The following SNRPN variants were observed in gnomAD, a reference collection of about 807,000 sequenced individuals.
SNRPN encodes small nuclear ribonucleoprotein polypeptide N.
SNRPN carries 7 observed loss-of-function variants against 25.2 expected under a neutral mutation model. The ratio of observed to expected loss-of-function variants is 0.28; its 90% CI spans 0.16 to 0.52. The LOEUF is 0.52. SNRPN is among the 20% of genes least tolerant of loss of function. The pLI is 0.96. For synonymous variants in SNRPN, 124 were observed against 110.6 expected, an observed-to-expected ratio of 1.12 and a Z score of -0.76; for missense variants, 196 against 322.5, an observed-to-expected ratio of 0.61 and a Z score of 3.00.
chr15:24,827,889 A>G (rs1480828511), intron 1 of SNRPN, among the ~76,000 whole-genome samples: 1 of 151,898 alleles, frequency 6.6e-6, no homozygotes, highest in Non-Finnish European at 1.5e-5. Context: ...AAAATCCTGA[A>G]ATACTAATGA....
chr15:24,830,736 A>T (rs543298411), intron 2 of SNRPN, among the ~76,000 whole-genome samples: 1 of 152,208 alleles, frequency 6.6e-6, no homozygotes, highest in African/African-American at 2.4e-5. Flanking sequence ...TTTGCAATTC[A>T]CCAGTTTTTA....
chr15:24,975,078 G>A, intron 4 of SNRPN: 1 of 673,572 alleles, frequency 1.5e-6, no homozygotes, highest in South Asian at 1.6e-5. Context: ...GGTTTACTTA[G>A]GGGAGTGGAC....
rs913916226 is a variant in SNRPN, at chr15:24,975,050, C to G, written c.4-308C>G. 4.3e-6 allele frequency: 3 copies of G among 692,078 alleles called. No homozygotes were observed. In the African/African-American group the frequency reaches 5.3e-5, roughly 12 times the overall value. 42.9% of individuals were successfully genotyped at this position (692,078 alleles called of 1,614,324 possible). On this transcript the variant is annotated intron_variant, in intron 4 of 9. Coordinates refer to ENST00000390687, the MANE Select transcript of SNRPN (RefSeq NM_003097.6). ...AAAGCAGTCTGGAGAGAGAGAACACCCTACATCATTGTGGTTTGGTTTACT... is the reference window on the plus strand; with the variant it reads ...AAAGCAGTCTGGAGAGAGAGAACACGCTACATCATTGTGGTTTGGTTTACT...
rs868658515 is a variant in SNRPN at position 24,975,391 on chromosome 15, A to G, written c.37A>G (p.Ile13Val). ...VGKSSKMLQH[I>V]DYRMRCILQD... ...CAAGAGTAGCAAGATGCTGCAGCAC[A>G]TTGACTATAGAATGAGATGTATCCT... The change falls in exon 5 of 10, where the codon ATT (isoleucine) becomes GTT (valine). Residue 13 changes from isoleucine to valine, a missense_variant. Coordinates refer to ENST00000390687, the MANE Select transcript of SNRPN (RefSeq NM_003097.6). 21 of 1,613,762 alleles carry G rather than the reference A, an allele frequency of 1.3e-5. No homozygotes were observed. Among genetic ancestry groups the G allele is most frequent in the Non-Finnish European group, 1.8e-5 (21 of 1,179,686 alleles).
At chr15:24,838,329 C>G (rs1412502931) in intron 2 of SNRPN, among the ~76,000 whole-genome samples, 1 of 152,190 alleles carries the variant, frequency 6.6e-6, no homozygotes, top group Non-Finnish European at 1.5e-5. Flanking sequence ...GCCACCATGC[C>G]CGGCGCCAAC....
At chr15:24,973,140 C>T (rs898300179) in intron 3 of SNRPN, among the ~76,000 whole-genome samples, 13 of 151,950 alleles carry the variant, frequency 8.6e-5, no homozygotes, top group African/African-American at 2.7e-4. Context: ...CCGCCCACCT[C>T]GGTTTCCCAA....
At chr15:24,881,748 A>G (rs1203311457) in intron 1 of SNRPN, among the ~76,000 whole-genome samples, 1 of 152,194 alleles carries the variant, frequency 6.6e-6, no homozygotes, top group Non-Finnish European at 1.5e-5. Flanking sequence ...GTGCATCTAG[A>G]TTTTGAAGTC....
At position 24,863,999 on chromosome 15, in the gene SNRPN, T is replaced by TTTTATTTATTTA. The variant is rs1555383863; in HGVS notation, c.-579+7291_-579+7302dup. On this transcript the variant is annotated intron_variant, in intron 1 of 11. Transcript: ENST00000400097. The stretch of plus-strand genomic sequence containing the variant: ...TTTTAGATGTTTTTTCTTTTTTAAA[T>TTTTATTTATTTA]TTTATTTATTTATTTATTTTTATTT... 6.6e-3 allele frequency among the ~76,000 whole-genome samples: 975 copies of TTTTATTTATTTA among 148,836 alleles called. 58 individuals carry two copies. The highest frequency in any genetic ancestry group is 0.023 in the African/African-American group (922 of 40,052).
At chr15:24,962,763 A>T (rs1361575323) in intron 2 of SNRPN, among the ~76,000 whole-genome samples, 1 of 152,208 alleles carries the variant, frequency 6.6e-6, no homozygotes. Flanking sequence ...AAAATAGGTG[A>T]ACATTTTAAA....
At chr15:24,916,937 G>A (rs2059564687) in intron 2 of SNRPN, among the ~76,000 whole-genome samples, 1 of 152,214 alleles carries the variant, frequency 6.6e-6, no homozygotes, top group African/African-American at 2.4e-5. Flanking sequence ...AGCAGACTGA[G>A]CAGGTTGCCA....
intron 1 of SNRPN, among the ~76,000 whole-genome samples, chr15:24,859,186 T>C (rs980176069): frequency 1.3e-5 from 2 of 152,226 alleles, no homozygotes; most frequent in Non-Finnish European, 2.9e-5. Flanking sequence ...TGGTGTGCTT[T>C]CATGGCGACT....
intron 2 of SNRPN, among the ~76,000 whole-genome samples, chr15:24,834,727 C>CA (rs1491581821): frequency 1.4e-5 from 1 of 72,024 alleles, no homozygotes; most frequent in Non-Finnish European, 2.5e-5. Flanking sequence ...CTCTCTCTCT[C>CA]CCTCTCTCTC....
chr15:24,904,236 C>G (rs896105850), intron 2 of SNRPN, among the ~76,000 whole-genome samples: 4 of 152,150 alleles, frequency 2.6e-5, no homozygotes. Context: ...GCCCCGTAAC[C>G]ACTTTTAATA....
chr15:24,928,149 G>A (rs2060539440), intron 3 of SNRPN, among the ~76,000 whole-genome samples: 1 of 152,162 alleles, frequency 6.6e-6, no homozygotes, highest in African/African-American at 2.4e-5. Flanking sequence ...AATTAGTATA[G>A]TCATTATGGA....
chr15:24,969,125 TATTA>T (rs1157025971), intron 3 of SNRPN, among the ~76,000 whole-genome samples: 8 of 152,092 alleles, frequency 5.3e-5, no homozygotes, highest in Admixed American at 2.6e-4. Flanking sequence ...CATTTTGAGT[TATTA>T]ATTAATTTAT....
chr15:24,900,636 T>C (rs533015704), intron 2 of SNRPN, among the ~76,000 whole-genome samples: 2 of 152,248 alleles, frequency 1.3e-5, no homozygotes, highest in Admixed American at 1.3e-4. Context: ...AAGGGATAGG[T>C]ACACACTATG....
chr15:24,944,150 A>G (rs1387989524), intron 3 of SNRPN, among the ~76,000 whole-genome samples: 1 of 152,162 alleles, frequency 6.6e-6, no homozygotes, highest in Non-Finnish European at 1.5e-5. Context: ...GAATCATGTG[A>G]CCATAGAGGC....
chr15:24,825,890 G>C (rs1010754311), intron 1 of SNRPN, among the ~76,000 whole-genome samples: 4 of 152,058 alleles, frequency 2.6e-5, no homozygotes, highest in Non-Finnish European at 4.4e-5. Flanking sequence ...ACCTCAGGGA[G>C]TGCTTTTATT....
At chr15:24,919,158 G>C (rs1302432628) in intron 2 of SNRPN, among the ~76,000 whole-genome samples, 1 of 151,298 alleles carries the variant, frequency 6.6e-6, no homozygotes, top group Admixed American at 6.6e-5. Flanking sequence ...TGCTGGGCGT[G>C]GTGGCTCACG....
Sources: allele counts gnomAD v4.1 joint callset (sites outside exome capture counted in the v4.1 genomes callset), GRCh38; gene constraint gnomAD v4.1.1; transcripts MANE v1.5; gene names NCBI Gene and HGNC (gene_info 2026-07-23, HGNC 2026-07-21).